GRK2: variants seen among roughly 807,000 people sequenced by gnomAD.
GRK2 encodes G protein-coupled receptor kinase 2.
Under a neutral mutation model 97.8 loss-of-function variants are expected in GRK2, and 23 were observed. That is an observed-to-expected ratio of 0.24 (90% CI 0.17 to 0.33). GRK2 has a LOEUF of 0.33. GRK2 is among the 10% of genes least tolerant of loss of function. GRK2 has a pLI of 1.00. For synonymous variants in GRK2, 425 were observed against 381.7 expected (o/e 1.11, Z -1.32); for missense variants, 633 against 956.9 (o/e 0.66, Z 4.47).
chr11:67,272,606 G>C (rs1330240528), intron 1 of GRK2, among the ~76,000 whole-genome samples: 5 of 152,326 alleles, frequency 3.3e-5, no homozygotes, highest in Admixed American at 6.5e-5. Context: ...GCTGCTCACT[G>C]TCTTGGGCTG....
intron 1 of GRK2, among the ~76,000 whole-genome samples, chr11:67,270,567 C>T (rs1859885966): frequency 6.6e-6 from 1 of 152,212 alleles, no homozygotes; most frequent in African/African-American, 2.4e-5. Flanking sequence ...CCTTCCTTCA[C>T]TCCTGCAGCA....
In GRK2 at chr11:67,284,386, G is replaced by T. The variant is rs3730147; in HGVS notation, c.1654+13G>T. The T allele has an allele frequency of 6.2e-7, 1 of 1,610,224 alleles. No individual in the cohort carries two copies. The highest frequency in any genetic ancestry group is 8.5e-7 in the Non-Finnish European group (1 of 1,179,388). ...GGCCATGAGGAAGGTGAGGGTCGCC[G>T]GCTGCTGCGGCACCAGGCCCCTGCC... On this transcript the variant is annotated intron_variant, in intron 18 of 20. Coordinates refer to ENST00000308595, the MANE Select transcript of GRK2 (RefSeq NM_001619.5).
At chr11:67,271,649 G>A (rs536711990) in intron 1 of GRK2, among the ~76,000 whole-genome samples, 1 of 152,344 alleles carries the variant, frequency 6.6e-6, no homozygotes, top group East Asian at 1.9e-4. Flanking sequence ...GAGCATCCCC[G>A]CAAGGGAGCT....
intron 15 of GRK2, 32 bp from the exon 16 acceptor site, chr11:67,283,675 G>A (rs1201865064): frequency 6.2e-7 from 1 of 1,609,570 alleles, no homozygotes; most frequent in Non-Finnish European, 8.5e-7. Flanking sequence ...TCAGGGTGGG[G>A]CTGAGCCCAG....
Position 67,276,146 on chromosome 11 carries a change from A to G in GRK2, c.114-1126A>G. ...TCACGGGAGGCCTGCTGGTGGCCCC[A>G]TAGACCTGCAGGGCCATGTGAGCGT... On this transcript the variant is annotated intron_variant, in intron 1 of 20. Transcript: ENST00000308595. The surrounding 1 kb of genome is among the most constrained non-coding windows in gnomAD (Gnocchi z 4.2). Among the ~76,000 whole-genome samples the G allele has an allele frequency of 6.6e-6, 1 of 152,186 alleles. No homozygotes were observed.
Position 67,274,495 on chromosome 11 carries a change from C to CTTTTTTTTTTTTTTTTTTTTTTTTTT in GRK2, c.114-2775_114-2750dup, listed in dbSNP as rs57767154. 2.1e-3 allele frequency among the ~76,000 whole-genome samples: 47 copies of CTTTTTTTTTTTTTTTTTTTTTTTTTT among 22,480 alleles called. 12 individuals carry two copies. Among genetic ancestry groups the CTTTTTTTTTTTTTTTTTTTTTTTTTT allele is most frequent in the East Asian group, 5.4e-3 (2 of 372 alleles). The allele number at this position is 22,480 out of a possible 152,430, so 14.7% of individuals were successfully genotyped here. Reference sequence around the variant, plus strand: ...TCGCTACCTTCCGCTTGACCAGCACCTTTTTTTTTTTTTTTTTTTTTTTTT... The same window carrying CTTTTTTTTTTTTTTTTTTTTTTTTTT: ...TCGCTACCTTCCGCTTGACCAGCACCTTTTTTTTTTTTTTTTTTTTTTTTTTTTTTTTTTTTTTTTTTTTTTTTTTT... On this transcript the variant is annotated intron_variant, in intron 1 of 20. Coordinates refer to ENST00000308595, the MANE Select transcript of GRK2 (RefSeq NM_001619.5).
intron 19 of GRK2, 45 bp downstream of exon 19, chr11:67,285,028 C>T (rs760906682): frequency 2.5e-6 from 4 of 1,611,658 alleles, no homozygotes; most frequent in Admixed American, 1.7e-5. Context: ...TTCCGGGTGG[C>T]TGGCCGGCCC....
At chr11:67,284,712 C>G (rs1860232558) in intron 18 of GRK2, 135 bp from the exon 19 acceptor site, 7 of 1,206,352 alleles carry the variant, frequency 5.8e-6, no homozygotes, top group Middle Eastern at 2.9e-4. Context: ...TCGTTTGAAC[C>G]TGGGAGGTGG....
chr11:67,280,610 G>A (rs1267250616), intron 6 of GRK2, 122 bp from the exon 7 acceptor site: 7 of 1,108,278 alleles, frequency 6.3e-6, no homozygotes, highest in Middle Eastern at 2.0e-4. Context: ...ATTAACGCTC[G>A]TGATGTTTCC....
chr11:67,279,832 C>T lies in GRK2; in HGVS notation c.442-7C>T. ...CTCAGTCACCAACTTCCAGCTTCCT[C>T]CCTTAGCCATACATCGAAGAGATTT... On this transcript the variant is annotated splice_polypyrimidine_tract_variant and splice_region_variant and intron_variant, in intron 5 of 20. Transcript: ENST00000308595. 1 of 1,614,014 alleles carries T rather than the reference C, an allele frequency of 6.2e-7. No individual in the cohort carries two copies. The highest frequency in any genetic ancestry group is 2.2e-5 in the East Asian group (1 of 44,882).
At chr11:67,270,036 G>A (rs907971459) in intron 1 of GRK2, among the ~76,000 whole-genome samples, 1 of 152,166 alleles carries the variant, frequency 6.6e-6, no homozygotes, top group African/African-American at 2.4e-5. Context: ...TCTACCACCA[G>A]CTCACATGGG....
intron 2 of GRK2, among the ~76,000 whole-genome samples, chr11:67,278,917 C>T (rs1046064677): frequency 2.8e-4 from 42 of 152,202 alleles, no homozygotes; most frequent in Admixed American, 2.2e-3. Context: ...GAGCCAACCC[C>T]GCTCCTCTGC....
rs1860161685 is a variant in GRK2, at chr11:67,281,944, G to T, written c.949G>T (p.Asp317Tyr). The T allele has an allele frequency of 6.2e-7, 1 of 1,612,884 alleles. No homozygotes were observed. Among genetic ancestry groups the T allele is most frequent in the Non-Finnish European group, 8.5e-7 (1 of 1,179,870 alleles). The change falls in exon 11 of 21, where the codon GAC becomes TAC. Residue 317 changes from aspartate (D) to tyrosine (Y), a missense_variant. Physicochemically the swap from Asp to Tyr is radical, Grantham distance 160. Around this residue, in one of 4 missense-constraint regions of GRK2, gnomAD observed 192 missense variants for 362.3 expected, o/e 0.53. Coordinates refer to ENST00000308595, the MANE Select transcript of GRK2 (RefSeq NM_001619.5). This position sits in a 1 kb window ranked among gnomAD's most constrained non-coding sequence, Gnocchi z 5.7. Reference protein sequence around the residue: ...HMHNRFVVYRDLKPANILLDE... With the variant: ...HMHNRFVVYRYLKPANILLDE... ...GCACAACCGCTTCGTGGTCTACCGG[G>T]ACCTGAAGGTGAGCGCCCCTGCTGT...
At position 67,275,393 on chromosome 11, in the gene GRK2, G is replaced by A. The variant is rs115437917; in HGVS notation, c.114-1879G>A. 7.5e-3 allele frequency among the ~76,000 whole-genome samples: 1,149 copies of A among 152,302 alleles called. 12 individuals are homozygous for A. The highest frequency in any genetic ancestry group is 0.026 in the African/African-American group (1,075 of 41,554). On this transcript the variant is annotated intron_variant, in intron 1 of 20. Transcript: ENST00000308595. ...AAGCTGCCATTCTTCCAGACCCTCG[G>A]GCCCAAAGCCTGGAAGCCCTCACGG...
rs1349201741 is a variant in GRK2, at chr11:67,279,449, A to G, written c.296A>G (p.Glu99Gly). Residue 99 changes from glutamate to glycine, a missense_variant, in exon 4 of 21, where the codon GAG becomes GGG. Glu to Gly is a moderately conservative substitution (Grantham distance 98). Transcript: ENST00000308595. The part of the protein sequence containing the change: ...IKKYEKLETE[E>G]ERVARSREIF... ...AAGTACGAGAAGCTGGAGACGGAGGAGGAGCGTGTGGCCCGCAGCCGGGAG... is the reference window on the plus strand; with the variant it reads ...AAGTACGAGAAGCTGGAGACGGAGGGGGAGCGTGTGGCCCGCAGCCGGGAG... 1 of 1,613,308 alleles carries G rather than the reference A, an allele frequency of 6.2e-7. No homozygotes were observed. The highest frequency in any genetic ancestry group is 8.5e-7 in the Non-Finnish European group (1 of 1,180,024).
At position 67,285,585 on chromosome 11, in the gene GRK2, G is replaced by A. The variant is rs1476427998; in HGVS notation, c.*135G>A. ...GGCCCCAGCCTGGCCCAGCTCCCCC[G>A]GGAGGGGCCCGCTTGCCTCGGCTCC... On this transcript the variant is annotated 3_prime_UTR_variant, in exon 21 of 21. Coordinates refer to ENST00000308595, the MANE Select transcript of GRK2 (RefSeq NM_001619.5). The A allele has an allele frequency of 3.7e-5, 44 of 1,195,396 alleles. No individual in the cohort carries two copies. The highest frequency in any genetic ancestry group is 5.5e-5 in the East Asian group (2 of 36,394). 74.0% of individuals were successfully genotyped at this position (1,195,396 alleles called of 1,614,324 possible). A position where few individuals can be genotyped will look rare whatever the true frequency, so the allele number is the denominator to read the frequency against.
chr11:67,267,028 A>G (rs1410116106), intron 1 of GRK2, among the ~76,000 whole-genome samples: 5 of 151,018 alleles, frequency 3.3e-5, no homozygotes, highest in South Asian at 2.1e-4. Context: ...GGAGCGCCCC[A>G]ACTCCGGAGC....
At chr11:67,283,070 T>C (rs904491095) in intron 14 of GRK2, 58 bp from the exon 15 acceptor site, 8 of 1,541,220 alleles carry the variant, frequency 5.2e-6, no homozygotes, top group Non-Finnish European at 7.2e-6. Context: ...TCCCCTGAGC[T>C]GGGATGGGGT....
rs773461022 is a variant in GRK2 at position 67,276,602 on chromosome 11, A to C, written c.114-670A>C. 2 of 152,078 alleles carry C rather than the reference A, an allele frequency of 1.3e-5. No individual in the cohort carries two copies. Among genetic ancestry groups the C allele is most frequent in the Non-Finnish European group, 2.9e-5 (2 of 68,010 alleles). 9.4% of individuals were successfully genotyped at this position (152,078 alleles called of 1,614,324 possible). On this transcript the variant is annotated intron_variant, in intron 1 of 20. Transcript: ENST00000308595. This position sits in a 1 kb window ranked among gnomAD's most constrained non-coding sequence, Gnocchi z 4.2. Reference sequence around the variant, plus strand: ...AAAAATTGAGATGCAATTCATATAAAATTCATCATTTTATTATACAATGTA... The same window carrying C: ...AAAAATTGAGATGCAATTCATATAACATTCATCATTTTATTATACAATGTA...
Sources: gnomAD v4.1 joint callset for allele counts (sites outside exome capture counted in the v4.1 genomes callset) on GRCh38, gnomAD v4.1.1 for gene constraint, gnomAD v4.1.1 regional missense constraint, Gnocchi (gnomAD v3.1) non-coding constraint, MANE v1.5 for transcripts, NCBI Gene and HGNC (gene_info 2026-07-23, HGNC 2026-07-21) for gene names.